Variants in CBLB observed in about 807,000 individuals in gnomAD.
The protein encoded by CBLB is Cbl proto-oncogene B.
CBLB carries 31 observed loss-of-function variants against 104.9 expected under a neutral mutation model. The ratio of observed to expected loss-of-function variants is 0.30; its 90% CI spans 0.22 to 0.40. CBLB has a LOEUF of 0.40. CBLB is among the 10% of genes least tolerant of loss of function. CBLB has a pLI of 1.00. For synonymous variants in CBLB, 440 were observed against 422.6 expected (o/e 1.04, Z -0.51); for missense variants, 1,062 against 1,214.6 (o/e 0.87, Z 1.87).
At chr3:105,793,516 T>C (rs1577244786) in intron 3 of CBLB, among the ~76,000 whole-genome samples, 1 of 148,820 alleles carries the variant, frequency 6.7e-6, no homozygotes, top group Non-Finnish European at 1.5e-5. Context: ...GGGGGAGGGA[T>C]TGACATAGGA....
intron 18 of CBLB, among the ~76,000 whole-genome samples, chr3:105,664,177 A>G (rs1334441779): frequency 6.6e-6 from 1 of 152,154 alleles, no homozygotes; most frequent in African/African-American, 2.4e-5. Context: ...TTTCTATTAT[A>G]CTGGATCATG....
chr3:105,716,155 TAGA>T (rs1447499544), intron 10 of CBLB, among the ~76,000 whole-genome samples: 9 of 152,314 alleles, frequency 5.9e-5, no homozygotes, highest in Middle Eastern at 3.4e-3. Flanking sequence ...AACATTCAGG[TAGA>T]AGAACTACTG....
chr3:105,786,674 C>A (rs1398967148), intron 3 of CBLB, among the ~76,000 whole-genome samples: 2 of 152,168 alleles, frequency 1.3e-5, no homozygotes, highest in Non-Finnish European at 2.9e-5. Context: ...ACACTTAAAT[C>A]CACAGTCTAA....
At chr3:105,829,666 C>CAAAAAAAA (rs71627689) in intron 3 of CBLB, among the ~76,000 whole-genome samples, 1 of 47,022 alleles carries the variant, frequency 2.1e-5, no homozygotes, top group African/African-American at 7.6e-5. Context: ...AAGACCGTCC[C>CAAAAAAAA]AAAAAAAAAA....
At chr3:105,868,192 G>A in intron 1 of CBLB, 2 of 1,231,186 alleles carry the variant, frequency 1.6e-6, no homozygotes, top group Non-Finnish European at 2.0e-6. Context: ...AACGCGGTGA[G>A]TCGTTATTCC....
At chr3:105,789,562 A>G (rs1219850529) in intron 3 of CBLB, among the ~76,000 whole-genome samples, 1 of 152,170 alleles carries the variant, frequency 6.6e-6, no homozygotes, top group Non-Finnish European at 1.5e-5. Flanking sequence ...TGAAAATACC[A>G]TTAAGCTAAT....
intron 3 of CBLB, among the ~76,000 whole-genome samples, chr3:105,820,449 G>T (rs970147268): frequency 1.3e-5 from 2 of 152,096 alleles, no homozygotes; most frequent in African/African-American, 4.8e-5. Flanking sequence ...CGGGGGCAGG[G>T]GGTAACATTT....
chr3:105,788,017 A>G (rs1214120450), intron 3 of CBLB, among the ~76,000 whole-genome samples: 1 of 152,214 alleles, frequency 6.6e-6, no homozygotes, highest in Non-Finnish European at 1.5e-5. Context: ...TGGGAAACTT[A>G]TGGTTTAAGA....
intron 10 of CBLB, among the ~76,000 whole-genome samples, chr3:105,713,736 C>T (rs773037546): frequency 2.6e-5 from 4 of 152,164 alleles, no homozygotes; most frequent in African/African-American, 7.2e-5. Flanking sequence ...TGCAAGTAAA[C>T]GATGAACAAC....
chr3:105,745,051 T>C (rs887250164), intron 6 of CBLB, among the ~76,000 whole-genome samples: 1 of 152,102 alleles, frequency 6.6e-6, no homozygotes, highest in African/African-American at 2.4e-5. Context: ...ACCAAATTCA[T>C]CCCTAAAATG....
intron 10 of CBLB, among the ~76,000 whole-genome samples, chr3:105,715,138 G>A (rs902114447): frequency 1.3e-5 from 2 of 152,164 alleles, no homozygotes; most frequent in Non-Finnish European, 2.9e-5. Context: ...TCACTGGGTA[G>A]CAACAGATAC....
intron 13 of CBLB, among the ~76,000 whole-genome samples, chr3:105,691,156 A>G (rs950204074): frequency 7.9e-5 from 12 of 152,212 alleles, no homozygotes; most frequent in African/African-American, 2.9e-4. Context: ...GTCTACAGTG[A>G]ACAACTGCTA....
chr3:105,701,239 A>C (rs531149900), intron 12 of CBLB, among the ~76,000 whole-genome samples: 54 of 152,336 alleles, frequency 3.5e-4, no homozygotes, highest in Admixed American at 1.3e-3. Flanking sequence ...TCAAGTGAGA[A>C]GTCAACAAGG....
At position 105,868,998 on chromosome 3, in the gene CBLB, G is replaced by C; in HGVS notation, c.-277C>G. 9.5e-7 allele frequency: 1 copy of C among 1,053,368 alleles called. No homozygotes were observed. Among genetic ancestry groups the C allele is most frequent in the African/African-American group, 1.8e-5 (1 of 57,026 alleles). 65.3% of individuals were successfully genotyped at this position (1,053,368 alleles called of 1,614,324 possible). On this transcript the variant is annotated 5_prime_UTR_variant, in exon 1 of 19. Transcript: ENST00000394030. The stretch of plus-strand genomic sequence containing the variant: ...CGCAGCAGCACTAGCAGGAGGAGGA[G>C]ACCGCTCGCTGGACACCCCACCCCT...
intron 6 of CBLB, 59 bp downstream of exon 6, chr3:105,745,858 C>T: frequency 6.5e-7 from 1 of 1,528,874 alleles, no homozygotes. Context: ...TAGGAACAAA[C>T]CATGGAGAAT....
rs955465631 is a variant in CBLB at position 105,762,685 on chromosome 3, G to A, written c.567-11067C>T. On this transcript the variant is annotated intron_variant, in intron 4 of 18. Transcript: ENST00000394030. ...AGGTAGAAGTTTGCTGCAGGGGCAG[G>A]GCTCTTGTGGAGGTAGACATCTGCT... Among the ~76,000 whole-genome samples, 4 of 152,186 alleles carry A rather than the reference G, an allele frequency of 2.6e-5. No individual in the cohort carries two copies. The East Asian group carries it at 7.7e-4, about 29-fold the overall frequency.
intron 18 of CBLB, among the ~76,000 whole-genome samples, chr3:105,663,970 G>C (rs973798407): frequency 6.7e-6 from 1 of 149,268 alleles, no homozygotes; most frequent in Non-Finnish European, 1.5e-5. Flanking sequence ...TAAGTGAGAC[G>C]CACTGCTGTA....
At position 105,720,182 on chromosome 3, in the gene CBLB, G is replaced by A. The variant is rs2305035; in HGVS notation, c.1272C>T (p.Asp424=). Residue 424 remains aspartate (D), a synonymous_variant, in exon 10 of 19, where the codon GAC becomes GAT. Transcript: ENST00000394030. Reference sequence around the variant, plus strand: ...AGCCTTCATCTCTTGGATCAAAGGGGTCCACGATTATGGGCTCAGTTCCTT... The same window carrying A: ...AGCCTTCATCTCTTGGATCAAAGGGATCCACGATTATGGGCTCAGTTCCTT... The part of the protein sequence containing the change: ...EIKGTEPIIV[D]PFDPRDEGSR... The A allele has an allele frequency of 0.22, 352,811 of 1,612,752 alleles. 39,798 individuals are homozygous for A. The highest frequency in any genetic ancestry group is 0.3 in the Admixed American group (18,008 of 59,882).
intron 3 of CBLB, among the ~76,000 whole-genome samples, chr3:105,797,958 G>T (rs2153008629): frequency 6.6e-6 from 1 of 152,292 alleles, no homozygotes; most frequent in African/African-American, 2.4e-5. Flanking sequence ...CATTACAACG[G>T]TAGAAGCACT....
Sources: allele counts gnomAD v4.1 joint callset (sites outside exome capture counted in the v4.1 genomes callset), GRCh38; gene constraint gnomAD v4.1.1; transcripts MANE v1.5; gene names NCBI Gene and HGNC (gene_info 2026-07-23, HGNC 2026-07-21).